Variants in PTPRT observed in about 807,000 individuals in gnomAD.
PTPRT encodes the protein receptor-type tyrosine-protein phosphatase T.
In PTPRT, 56 loss-of-function variants were observed where a neutral mutation model predicts 176.8. The observed-to-expected ratio is 0.32, with a 90% CI of 0.26 to 0.40. PTPRT has a LOEUF of 0.40. PTPRT is among the 10% of genes least tolerant of loss of function. The pLI is 1.00. For synonymous variants in PTPRT, 783 were observed against 739.0 expected (o/e 1.06, Z -0.96); for missense variants, 1,540 against 1,908.2 (o/e 0.81, Z 3.60).
intron 18 of PTPRT, among the ~76,000 whole-genome samples, chr20:42,140,249 A>G (rs1988562242): frequency 6.6e-6 from 1 of 151,926 alleles, no homozygotes. Context: ...TTTTGGATGA[A>G]CTGGGTTACT....
At chr20:42,534,407 G>T (rs1386025618) in intron 7 of PTPRT, among the ~76,000 whole-genome samples, 2 of 152,154 alleles carry the variant, frequency 1.3e-5, no homozygotes, top group Non-Finnish European at 2.9e-5. Context: ...GCCGAGGCGG[G>T]TGGATCATGA....
intron 2 of PTPRT, among the ~76,000 whole-genome samples, chr20:42,805,053 G>C (rs1351169607): frequency 6.6e-6 from 1 of 152,176 alleles, no homozygotes; most frequent in African/African-American, 2.4e-5. Flanking sequence ...ATCACCCAAA[G>C]AGTTATCTAA....
rs368180964 is a variant in PTPRT at position 43,042,156 on chromosome 20, C to T, written c.88+147490G>A. ...CCTGGTGCACAGCAGGTGCTCATTA[C>T]GGGCTATTTTCCTCCCTTCACCTAC... On this transcript the variant is annotated intron_variant, in intron 1 of 30. Transcript: ENST00000373187. 9.8e-5 allele frequency among the ~76,000 whole-genome samples: 15 copies of T among 152,312 alleles called. 1 individual carries two copies. The East Asian group carries it at 1.7e-3, about 18-fold the overall frequency.
At chr20:42,474,889 G>A (rs1236855286) in intron 7 of PTPRT, among the ~76,000 whole-genome samples, 1 of 152,026 alleles carries the variant, frequency 6.6e-6, no homozygotes, top group African/African-American at 2.4e-5. Flanking sequence ...CTCCTCCCCT[G>A]GGTTTGCCCT....
chr20:42,920,174 A>G (rs1979051276), intron 1 of PTPRT, among the ~76,000 whole-genome samples: 1 of 152,254 alleles, frequency 6.6e-6, no homozygotes, highest in African/African-American at 2.4e-5. Flanking sequence ...AAAATAAGCG[A>G]ATGGCTTAGC....
intron 17 of PTPRT, among the ~76,000 whole-genome samples, chr20:42,155,664 T>C (rs560013414): frequency 2.0e-5 from 3 of 152,302 alleles, no homozygotes; most frequent in Non-Finnish European, 2.9e-5. Context: ...TTTCAAATAA[T>C]TGAACTTAAA....
chr20:42,760,380 CTTTTTTTT>C (rs754362528), intron 5 of PTPRT, among the ~76,000 whole-genome samples: 18 of 94,236 alleles, frequency 1.9e-4, no homozygotes, highest in African/African-American at 3.4e-4. Context: ...TCTAAATCTG[CTTTTTTTT>C]TTTTTTTTTT....
At chr20:42,915,776 T>C (rs1355546260) in intron 1 of PTPRT, among the ~76,000 whole-genome samples, 1 of 152,018 alleles carries the variant, frequency 6.6e-6, no homozygotes, top group East Asian at 1.9e-4. Context: ...TATTTTTTTT[T>C]TCTGTAGATA....
chr20:42,528,813 A>G (rs563764480), intron 7 of PTPRT, among the ~76,000 whole-genome samples: 7 of 152,226 alleles, frequency 4.6e-5, no homozygotes, highest in African/African-American at 1.7e-4. Context: ...AATCTTAGAT[A>G]TCTCTATCTC....
intron 2 of PTPRT, among the ~76,000 whole-genome samples, chr20:42,847,249 G>A (rs558600534): frequency 6.6e-6 from 1 of 152,292 alleles, no homozygotes; most frequent in Non-Finnish European, 1.5e-5. Flanking sequence ...GAAGCCAGCA[G>A]GAGAGAACAG....
chr20:42,199,219 C>T, intron 16 of PTPRT, 21 bp downstream of exon 16: 5 of 1,612,420 alleles, frequency 3.1e-6, no homozygotes, highest in Non-Finnish European at 4.2e-6. Context: ...TGTCCCCTTC[C>T]CCTTTGTTGG....
chr20:42,732,157 T>A (rs1251359774), intron 6 of PTPRT, among the ~76,000 whole-genome samples: 14 of 151,770 alleles, frequency 9.2e-5, no homozygotes, highest in Admixed American at 6.6e-5. Context: ...TAAACTTTTC[T>A]AAAAAAAATA....
Position 42,927,128 on chromosome 20 carries a change from T to C in PTPRT, c.89-41196A>G, listed in dbSNP as rs143813479. Among the ~76,000 whole-genome samples, 384 of 152,226 alleles carry C rather than the reference T, an allele frequency of 2.5e-3. 1 individual carries two copies. Among genetic ancestry groups the C allele is most frequent in the African/African-American group, 8.8e-3 (365 of 41,530 alleles). ...GAGGGTGCAGGAAGGAATAAACAAA[T>C]CCCCTTCATCCAGGACTTCCCATTT... On this transcript the variant is annotated intron_variant, in intron 1 of 30. Transcript: ENST00000373187.
At chr20:42,233,171 G>A (rs2056170997) in intron 15 of PTPRT, among the ~76,000 whole-genome samples, 1 of 152,052 alleles carries the variant, frequency 6.6e-6, no homozygotes, top group South Asian at 2.1e-4. Context: ...TCATCCACCT[G>A]GCACTCTCAT....
intron 1 of PTPRT, among the ~76,000 whole-genome samples, chr20:42,925,695 GC>G (rs142988336): frequency 0.037 from 5,596 of 152,266 alleles, 245 homozygotes; most frequent in African/African-American, 0.1. Flanking sequence ...GCCAGGCCCT[GC>G]CCCCTTGGGT....
chr20:42,448,407 T>G, intron 8 of PTPRT, 78 bp from the exon 9 acceptor site: 1 of 1,106,302 alleles, frequency 9.0e-7, no homozygotes, highest in Non-Finnish European at 1.4e-6. Context: ...GAACAGGGGT[T>G]GACAAAGTTG....
chr20:42,748,107 T>C (rs928471035), intron 6 of PTPRT, among the ~76,000 whole-genome samples: 1 of 151,768 alleles, frequency 6.6e-6, no homozygotes, highest in East Asian at 1.9e-4. Context: ...GCATATTTTT[T>C]ATGGCTGTTT....
chr20:42,720,302 T>C (rs2076285490), intron 6 of PTPRT, among the ~76,000 whole-genome samples: 1 of 152,154 alleles, frequency 6.6e-6, no homozygotes, highest in African/African-American at 2.4e-5. Context: ...ACTATTCCCA[T>C]TTTACATATG....
At chr20:42,237,234 T>C (rs1404655862) in intron 14 of PTPRT, among the ~76,000 whole-genome samples, 2 of 152,142 alleles carry the variant, frequency 1.3e-5, no homozygotes, top group African/African-American at 2.4e-5. Context: ...CTTTAAGCCA[T>C]TAGATTTTGG....
Sources: allele counts gnomAD v4.1 joint callset (sites outside exome capture counted in the v4.1 genomes callset), GRCh38; gene constraint gnomAD v4.1.1; transcripts MANE v1.5; gene names NCBI Gene and HGNC (gene_info 2026-07-23, HGNC 2026-07-21).